The following PELP1 variants were observed in gnomAD, a reference collection of about 807,000 sequenced individuals.
The protein encoded by PELP1 is proline-, glutamic acid- and leucine-rich protein 1.
In PELP1, 32 loss-of-function variants were observed where a neutral mutation model predicts 95.5. That is an observed-to-expected ratio of 0.34 (90% CI 0.25 to 0.45). The LOEUF is 0.45. PELP1 is among the 20% of genes least tolerant of loss of function. The pLI is 1.00. For synonymous variants in PELP1, 668 were observed against 600.1 expected, an observed-to-expected ratio of 1.11 and a Z score of -1.65; for missense variants, 1,358 against 1,444.8, an observed-to-expected ratio of 0.94 and a Z score of 0.97.
At chr17:4,685,104 C>T (rs1912858278) in intron 3 of PELP1, among the ~76,000 whole-genome samples, 1 of 152,326 alleles carries the variant, frequency 6.6e-6, no homozygotes, top group African/African-American at 2.4e-5. Context: ...TTCTCTCCTT[C>T]CATTTCCCTT....
At chr17:4,698,026 T>G (rs968628925) in intron 1 of PELP1, among the ~76,000 whole-genome samples, 47 of 140,486 alleles carry the variant, frequency 3.3e-4, no homozygotes, top group Non-Finnish European at 6.8e-4. Context: ...TTTTTTTTTT[T>G]GTAGAGATAG....
At chr17:4,703,689 C>A (rs1368430031) in intron 1 of PELP1, among the ~76,000 whole-genome samples, 174 bp downstream of exon 1, 1 of 152,200 alleles carries the variant, frequency 6.6e-6, no homozygotes, top group South Asian at 2.1e-4. Flanking sequence ...AAACTCATGG[C>A]CGATAAAGGA....
rs1211584569 is a variant in PELP1, at chr17:4,675,701, G to C, written c.1068+96C>G. Reference sequence around the variant, plus strand: ...TAGGAAGCTCTCTGGGACGACTCCAGGATGACACTGTTTGGGGAGACTCAG... The same window carrying C: ...TAGGAAGCTCTCTGGGACGACTCCACGATGACACTGTTTGGGGAGACTCAG... On this transcript the variant is annotated intron_variant, in intron 9 of 16. Transcript: ENST00000572293. This position sits in a 1 kb window ranked among gnomAD's most constrained non-coding sequence, Gnocchi z 4.3. The C allele has an allele frequency of 2.3e-6, 2 of 880,972 alleles. No homozygotes were observed. Among genetic ancestry groups the C allele is most frequent in the Non-Finnish European group, 3.7e-6 (2 of 534,272 alleles). 54.6% of individuals were successfully genotyped at this position (880,972 alleles called of 1,614,324 possible). A position where few individuals can be genotyped will look rare whatever the true frequency, so the allele number is the denominator to read the frequency against.
In PELP1 at chr17:4,704,009, G is replaced by A. The variant is rs1046749112; in HGVS notation, c.103C>T (p.Leu35=). 3 of 1,613,282 alleles carry A rather than the reference G, an allele frequency of 1.9e-6. No homozygotes were observed. The Admixed American group carries it at 5.0e-5, about 27-fold the overall frequency. The change falls in exon 1 of 17, where the codon CTG becomes TTG. Residue 35 remains leucine (L), a synonymous_variant. Transcript: ENST00000572293. ...CCAGAAACACTCTCCAGCAGCAGCA[G>A]GCGGAGCCGCGGGCCCGAGCTCACT... ...SAVSSGPRLR[L]LLLESVSGLL...
chr17:4,676,437 T>G lies in PELP1; in HGVS notation c.773A>C (p.Glu258Ala). The G allele has an allele frequency of 6.2e-7, 1 of 1,613,814 alleles. No individual in the cohort carries two copies. The highest frequency in any genetic ancestry group is 8.5e-7 in the Non-Finnish European group (1 of 1,179,856). ...ACTGTGTAGCTCCTGCTCCCAGCTC[T>G]CGGTGTGCTTCAGGCCTTGGGAAAA... ...AGFSQGLKHT[E>A]SWEQELHSLL... The change falls in exon 7 of 17, where the codon GAG (glutamate) becomes GCG (alanine). Residue 258 changes from glutamate (E) to alanine (A), a missense_variant. Glu to Ala is a moderately radical substitution (Grantham distance 107, BLOSUM62 -1). This residue lies in a region of PELP1 where 538 missense variants were observed against 628.1 expected (regional missense o/e 0.86). Transcript: ENST00000572293.
chr17:4,681,993 C>T (rs967890390), intron 5 of PELP1, among the ~76,000 whole-genome samples: 1 of 151,666 alleles, frequency 6.6e-6, no homozygotes, highest in African/African-American at 2.4e-5. Flanking sequence ...GCGAGACCCC[C>T]CTACAAAAAA....
intron 1 of PELP1, among the ~76,000 whole-genome samples, chr17:4,697,477 G>T (rs544583112): frequency 6.6e-6 from 1 of 152,216 alleles, no homozygotes; most frequent in African/African-American, 2.4e-5. Context: ...TCGCGCCACT[G>T]CACTCCAGCC....
chr17:4,688,756 A>C (rs574263817), intron 3 of PELP1, among the ~76,000 whole-genome samples: 1 of 152,354 alleles, frequency 6.6e-6, no homozygotes, highest in South Asian at 2.1e-4. Context: ...CAATATTGTG[A>C]AAATGGCCAT....
At chr17:4,694,311 G>A (rs572257559) in intron 1 of PELP1, among the ~76,000 whole-genome samples, 9 of 151,810 alleles carry the variant, frequency 5.9e-5, no homozygotes, top group East Asian at 1.9e-4. Context: ...AGCAATGACC[G>A]CACAACTCTG....
chr17:4,703,879 G>A lies in PELP1; in HGVS notation c.233C>T (p.Ser78Leu), dbSNP rs547421692. 292 of 1,612,062 alleles carry A rather than the reference G, an allele frequency of 1.8e-4. 1 individual carries two copies. In the East Asian group the frequency reaches 6.5e-3, roughly 36 times the overall value. The change falls in exon 1 of 17, where the codon TCG becomes TTG. Residue 78 changes from serine to leucine, a missense_variant. Physicochemically the swap from Ser to Leu is moderately radical, Grantham distance 145. Transcript: ENST00000572293. The part of the protein sequence containing the change: ...GLMCLLRLHG[S>L]VGGAQNLSAL... ...CGGACTCACCTGGGCCCCGCCCACC[G>A]ACCCATGCAGCCGCAATAGGCACAT...
chr17:4,682,916 C>A lies in PELP1; in HGVS notation c.457G>T (p.Ala153Ser). 6.4e-7 allele frequency: 1 copy of A among 1,559,310 alleles called. No individual in the cohort carries two copies. Among genetic ancestry groups the A allele is most frequent in the South Asian group, 1.2e-5 (1 of 81,796 alleles). The change falls in exon 4 of 17, where the codon GCT becomes TCT. Residue 153 changes from alanine to serine, a missense_variant. By Grantham distance (99) the Ala-to-Ser change is moderately conservative. Coordinates refer to ENST00000572293, the MANE Select transcript of PELP1 (RefSeq NM_014389.3). ...TATCGGAGGAGGTCCCTCAGGACAG[C>A]CACGGCCAGCTCCATTGTGGCAGGC... is the stretch of plus-strand genomic sequence containing the variant. Reference protein sequence around the residue: ...DPPATMELAVAVLRDLLRYAA... With the variant: ...DPPATMELAVSVLRDLLRYAA...
chr17:4,678,494 C>A (rs11870062), intron 5 of PELP1, among the ~76,000 whole-genome samples: 6,984 of 152,216 alleles, frequency 0.046, 494 homozygotes, highest in African/African-American at 0.16. Flanking sequence ...AAAAGCTGGA[C>A]TGAAGCCAAC....
At position 4,672,417 on chromosome 17, in the gene PELP1, G is replaced by T. The variant is rs1436890533; in HGVS notation, c.2574C>A (p.Pro858=). ...PVPGPVTLPP[P]QLVPEGTPGG... is the part of the protein sequence containing the mutation. ...CAGGAGTCCCTTCAGGGACCAACTG[G>T]GGTGGAGGGAGCGTCACAGGACCAG... is the stretch of plus-strand genomic sequence containing the variant. Residue 858 remains proline (P), a synonymous_variant, in exon 16 of 17, where the codon CCC becomes CCA. Coordinates refer to ENST00000572293, the MANE Select transcript of PELP1 (RefSeq NM_014389.3). 6.4e-7 allele frequency: 1 copy of T among 1,568,344 alleles called. No individual in the cohort carries two copies. The highest frequency in any genetic ancestry group is 1.9e-5 in the Admixed American group (1 of 52,502).
intron 1 of PELP1, among the ~76,000 whole-genome samples, chr17:4,702,878 T>A (rs1913599612): frequency 6.6e-6 from 1 of 152,090 alleles, no homozygotes; most frequent in Admixed American, 6.5e-5. Flanking sequence ...TATGCCTTCT[T>A]AGAATCAGTG....
chr17:4,673,791 C>A lies in PELP1; in HGVS notation c.1583-117G>T. The A allele has an allele frequency of 1.2e-6, 1 of 814,570 alleles. No homozygotes were observed. Among genetic ancestry groups the A allele is most frequent in the South Asian group, 1.4e-5 (1 of 72,956 alleles). 50.5% of individuals were successfully genotyped at this position (814,570 alleles called of 1,614,324 possible). A position where few individuals can be genotyped will look rare whatever the true frequency, so the allele number is the denominator to read the frequency against. The stretch of plus-strand genomic sequence containing the variant: ...CTGCCACTGCCTATCTTGGCCAAGT[C>A]ATTTAACTTCTCAACTAGAAAATGG... On this transcript the variant is annotated intron_variant, in intron 13 of 16. Transcript: ENST00000572293. This position sits in a 1 kb window ranked among gnomAD's most constrained non-coding sequence, Gnocchi z 5.7.
At chr17:4,693,584 G>A (rs1052594920) in intron 1 of PELP1, among the ~76,000 whole-genome samples, 1 of 152,134 alleles carries the variant, frequency 6.6e-6, no homozygotes, top group African/African-American at 2.4e-5. Flanking sequence ...ACTTGAACAC[G>A]AGCACTGCAA....
In PELP1 at chr17:4,675,643, G is replaced by C. The variant is rs193085865; in HGVS notation, c.1068+154C>G. The C allele has an allele frequency of 1.3e-4, 92 of 724,952 alleles. No individual in the cohort carries two copies. In the South Asian group the frequency reaches 1.3e-3, roughly 10 times the overall value. The allele number at this position is 724,952 out of a possible 1,614,324, so 44.9% of individuals were successfully genotyped here. ...CTCTGACACTGTGCTCCTGTGTCAC[G>C]ACACATAGGAAGTGATGTTATTTGG... On this transcript the variant is annotated intron_variant, in intron 9 of 16. Coordinates refer to ENST00000572293, the MANE Select transcript of PELP1 (RefSeq NM_014389.3). The surrounding 1 kb of genome is among the most constrained non-coding windows in gnomAD (Gnocchi z 4.3).
intron 1 of PELP1, among the ~76,000 whole-genome samples, chr17:4,696,104 G>A (rs913704689): frequency 1.3e-5 from 2 of 151,218 alleles, no homozygotes; most frequent in African/African-American, 4.9e-5. Context: ...AAGGCAGGAG[G>A]ATGGCTTGAG....
At position 4,673,586 on chromosome 17, in the gene PELP1, C is replaced by A; in HGVS notation, c.1638+33G>T. On this transcript the variant is annotated intron_variant, in intron 14 of 16. Coordinates refer to ENST00000572293, the MANE Select transcript of PELP1 (RefSeq NM_014389.3). This position sits in a 1 kb window ranked among gnomAD's most constrained non-coding sequence, Gnocchi z 5.7. The stretch of plus-strand genomic sequence containing the variant: ...AATGTGTACAGAGCAGGGGCCCCTT[C>A]CCCTATCTCCACGGAGACGAGGCTC... 6.2e-7 allele frequency: 1 copy of A among 1,608,456 alleles called. No homozygotes were observed. Among genetic ancestry groups the A allele is most frequent in the Non-Finnish European group, 8.5e-7 (1 of 1,174,914 alleles).
Sources: gnomAD v4.1 joint callset for allele counts (sites outside exome capture counted in the v4.1 genomes callset) on GRCh38, gnomAD v4.1.1 for gene constraint, gnomAD v4.1.1 regional missense constraint, Gnocchi (gnomAD v3.1) non-coding constraint, MANE v1.5 for transcripts, NCBI Gene and HGNC (gene_info 2026-07-23, HGNC 2026-07-21) for gene names.